Variants in ATP2B4 observed in about 807,000 individuals in gnomAD.
ATP2B4 encodes the protein plasma membrane calcium-transporting ATPase 4.
A neutral mutation model predicts 110.3 loss-of-function variants in ATP2B4; 39 were observed. That is an observed-to-expected ratio of 0.35 (90% CI 0.27 to 0.46). ATP2B4 has a LOEUF of 0.46. Among genes scored for constraint, ATP2B4 ranks in the 20% least tolerant of loss-of-function variants. The pLI is 1.00. For synonymous variants in ATP2B4, 538 were observed against 571.7 expected (o/e 0.94, Z 0.84); for missense variants, 1,135 against 1,530.9 (o/e 0.74, Z 4.32).
intron 1 of ATP2B4, among the ~76,000 whole-genome samples, chr1:203,652,867 CACA>C (rs1429424180): frequency 6.6e-6 from 1 of 152,160 alleles, no homozygotes; most frequent in Non-Finnish European, 1.5e-5. Flanking sequence ...TTCCCTAAGA[CACA>C]ACAATATTGA....
intron 1 of ATP2B4, among the ~76,000 whole-genome samples, chr1:203,645,527 T>A (rs1329196668): frequency 6.6e-6 from 1 of 152,132 alleles, no homozygotes. Context: ...TCATCAGCTT[T>A]GCATTTATCA....
rs759276650 is a variant in ATP2B4 at position 203,709,320 on chromosome 1, G to C, written c.1577G>C (p.Gly526Ala). Residue 526 changes from glycine to alanine, a missense_variant, in exon 11 of 21, where the codon GGC (glycine) becomes GCC (alanine). Physicochemically the swap from Gly to Ala is moderately conservative, Grantham distance 60. Transcript: ENST00000357681. ...TCCCAGCCTCCAGAGAAGGAGGGAG[G>C]CCTGCCTCGGCAGGTGGGCAACAAG... ...SKILPPEKEG[G>A]LPRQVGNKTE... The C allele has an allele frequency of 1.1e-5, 18 of 1,614,070 alleles. No homozygotes were observed. In the African/African-American group the frequency reaches 2.3e-4, roughly 20 times the overall value.
chr1:203,674,178 G>A (rs1182429971), intron 1 of ATP2B4, among the ~76,000 whole-genome samples: 18 of 152,166 alleles, frequency 1.2e-4, no homozygotes, highest in East Asian at 3.9e-4. Flanking sequence ...CTGAGTGAAC[G>A]GGGTCAGGAG....
chr1:203,697,444 A>G (rs1354065292), intron 2 of ATP2B4, among the ~76,000 whole-genome samples: 1 of 152,300 alleles, frequency 6.6e-6, no homozygotes, highest in East Asian at 1.9e-4. Context: ...AATCCCAAGA[A>G]CCACTTTAAT....
intron 1 of ATP2B4, among the ~76,000 whole-genome samples, chr1:203,638,558 A>G (rs1663530799): frequency 6.6e-6 from 1 of 152,062 alleles, no homozygotes; most frequent in Non-Finnish European, 1.5e-5. Context: ...AGCATTTGAG[A>G]TGGACAGAGA....
At position 203,739,648 on chromosome 1, in the gene ATP2B4, A is replaced by G. The variant is rs773182737; in HGVS notation, c.3412A>G (p.Ile1138Val). The G allele has an allele frequency of 1.2e-6, 2 of 1,614,038 alleles. No homozygotes were observed. The highest frequency in any genetic ancestry group is 1.7e-6 in the Non-Finnish European group (2 of 1,180,014). ...CTTCATGACCCACCCTGAATTCGCC[A>G]TAGAGGAGGAGTTGCCACGAACACC... ...HSFMTHPEFA[I>V]EEELPRTPLL... Residue 1138 changes from isoleucine (I) to valine (V), a missense_variant, in exon 21 of 21, where the codon ATA (isoleucine) becomes GTA (valine). Ile to Val is a conservative substitution (Grantham distance 29). Coordinates refer to ENST00000357681, the MANE Select transcript of ATP2B4 (RefSeq NM_001684.5).
At position 203,662,616 on chromosome 1, in the gene ATP2B4, T is replaced by C. The variant is rs1459396302; in HGVS notation, c.-464-20126T>C. On this transcript the variant is annotated intron_variant, in intron 1 of 20. Transcript: ENST00000357681. ...TTCACTTAGCATAATGTTTTCAAGG[T>C]TCATCCGTGTGGCAGCATGTGTCAG... Among the ~76,000 whole-genome samples the C allele has an allele frequency of 2.6e-5, 4 of 152,210 alleles. No homozygotes were observed. The East Asian group carries it at 7.7e-4, about 29-fold the overall frequency.
At chr1:203,692,127 G>T (rs541264842) in intron 2 of ATP2B4, among the ~76,000 whole-genome samples, 3 of 151,688 alleles carry the variant, frequency 2.0e-5, no homozygotes, top group Non-Finnish European at 4.4e-5. Context: ...TGATCCGCCC[G>T]CCTCGGCCTC....
At chr1:203,695,914 T>C (rs1448713995) in intron 2 of ATP2B4, among the ~76,000 whole-genome samples, 2 of 152,144 alleles carry the variant, frequency 1.3e-5, no homozygotes, top group Admixed American at 6.5e-5. Context: ...TCTCTCCTTT[T>C]GACATTTAAG....
intron 1 of ATP2B4, among the ~76,000 whole-genome samples, chr1:203,665,875 T>G (rs182866383): frequency 1.3e-5 from 2 of 152,264 alleles, no homozygotes; most frequent in East Asian, 1.9e-4. Context: ...TGCTTAAATG[T>G]AAAATGAGGG....
At chr1:203,652,401 C>T (rs1453706196) in intron 1 of ATP2B4, among the ~76,000 whole-genome samples, 1 of 152,180 alleles carries the variant, frequency 6.6e-6, no homozygotes, top group African/African-American at 2.4e-5. Context: ...CCACCTCGGC[C>T]TCCCAAAGTG....
intron 10 of ATP2B4, 146 bp downstream of exon 10, chr1:203,708,250 G>A (rs1665907400): frequency 7.9e-7 from 1 of 1,265,000 alleles, no homozygotes; most frequent in East Asian, 2.3e-5. Flanking sequence ...ATGTTTGGGT[G>A]AGACTACAGA....
intron 1 of ATP2B4, among the ~76,000 whole-genome samples, chr1:203,680,222 G>A (rs1664961592): frequency 6.6e-6 from 1 of 152,096 alleles, no homozygotes; most frequent in Non-Finnish European, 1.5e-5. Flanking sequence ...TTCTTTTGGT[G>A]GGGTGGGGGT....
intron 15 of ATP2B4, 67 bp downstream of exon 15, chr1:203,714,344 C>A: frequency 6.4e-7 from 1 of 1,562,298 alleles, no homozygotes; most frequent in South Asian, 1.1e-5. Context: ...GGTCCGGCTT[C>A]TGGTTGCCTG....
chr1:203,702,887 A>G (rs182669600), intron 7 of ATP2B4, among the ~76,000 whole-genome samples: 35 of 152,384 alleles, frequency 2.3e-4, no homozygotes, highest in Admixed American at 1.0e-3. Context: ...AACCAGAGCT[A>G]AACAGAAATA....
Position 203,712,427 on chromosome 1 carries a change from C to T in ATP2B4, c.2211+288C>T, listed in dbSNP as rs199915017. ...CCAACATGGTGAAACCCCGTCTCTACCAAAAATACAAAAATTAGCTGGGCA... is the reference window on the plus strand; with the variant it reads ...CCAACATGGTGAAACCCCGTCTCTATCAAAAATACAAAAATTAGCTGGGCA... On this transcript the variant is annotated intron_variant, in intron 13 of 20. Transcript: ENST00000357681. 3.1e-4 allele frequency among the ~76,000 whole-genome samples: 47 copies of T among 152,018 alleles called. No homozygotes were observed. The East Asian group carries it at 8.9e-3, about 29-fold the overall frequency.
Position 203,720,720 on chromosome 1 carries a change from ACTGGAGC to A in ATP2B4, c.2582_2588del (p.Gly861ValfsTer8), listed in dbSNP as rs1408979037. 6.2e-7 allele frequency: 1 copy of A among 1,612,808 alleles called. No homozygotes were observed. Among genetic ancestry groups the A allele is most frequent in the African/African-American group, 1.3e-5 (1 of 75,026 alleles). On this transcript the variant is annotated frameshift_variant, in exon 16 of 21. Transcript: ENST00000357681. LOFTEE classifies it high-confidence loss of function. ...TGTGGTGGCCGTGATTGTAGCCTTCACTGGAGCCTGTATCACTCAGGTGAAGGGGGTG... is the reference window on the plus strand; with the variant it reads ...TGTGGTGGCCGTGATTGTAGCCTTCACTGTATCACTCAGGTGAAGGGGGTG...
intron 2 of ATP2B4, among the ~76,000 whole-genome samples, chr1:203,695,031 T>G (rs1269061998): frequency 2.0e-5 from 3 of 152,102 alleles, no homozygotes; most frequent in Non-Finnish European, 2.9e-5. Flanking sequence ...CATATGTCCC[T>G]CTTTTTGGGA....
rs1666995518 is a variant in ATP2B4 at position 203,741,481 on chromosome 1, C to T, written c.*1627C>T. 1 of 152,462 alleles carries T rather than the reference C, an allele frequency of 6.6e-6. No individual in the cohort carries two copies. Among genetic ancestry groups the T allele is most frequent in the African/African-American group, 2.4e-5 (1 of 41,394 alleles). 9.4% of individuals were successfully genotyped at this position (152,462 alleles called of 1,614,324 possible). A position where few individuals can be genotyped will look rare whatever the true frequency, so the allele number is the denominator to read the frequency against. On this transcript the variant is annotated 3_prime_UTR_variant, in exon 21 of 21. Transcript: ENST00000357681. ...GCTGGTGTTGACTTCTGTGTAGGGG[C>T]CAGTTCATGTCCCTGACTCTCACCT...
Sources: gnomAD v4.1 joint callset for allele counts (sites outside exome capture counted in the v4.1 genomes callset) on GRCh38, gnomAD v4.1.1 for gene constraint, MANE v1.5 for transcripts, NCBI Gene and HGNC (gene_info 2026-07-23, HGNC 2026-07-21) for gene names.